IGSF11: variants seen among roughly 807,000 people sequenced by gnomAD.
IGSF11 encodes immunoglobulin superfamily member 11.
A neutral mutation model predicts 41.0 loss-of-function variants in IGSF11; 22 were observed. The observed-to-expected ratio is 0.54, with a 90% CI of 0.38 to 0.77. The LOEUF is 0.77. Among genes scored for constraint, IGSF11 ranks in the 30% least tolerant of loss-of-function variants. IGSF11 has a pLI of 0.00. For synonymous variants in IGSF11, 219 were observed against 201.3 expected (o/e 1.09, Z -0.74); for missense variants, 444 against 530.8 (o/e 0.84, Z 1.61).
intron 1 of IGSF11, among the ~76,000 whole-genome samples, chr3:119,086,912 C>A (rs1293317256): frequency 2.0e-5 from 3 of 152,124 alleles, no homozygotes; most frequent in Non-Finnish European, 4.4e-5. Context: ...CAATACTAAC[C>A]TTGAACATAA....
chr3:118,955,131 G>A (rs1944854016), intron 1 of IGSF11, among the ~76,000 whole-genome samples: 1 of 151,948 alleles, frequency 6.6e-6, no homozygotes, highest in Non-Finnish European at 1.5e-5. Flanking sequence ...AGCACAATTT[G>A]CAATTGCAAA....
chr3:119,099,660 A>G (rs774105693), intron 1 of IGSF11, among the ~76,000 whole-genome samples: 2 of 152,240 alleles, frequency 1.3e-5, no homozygotes, highest in African/African-American at 4.8e-5. Context: ...TGGCAAGTGT[A>G]TTCAGAAATC....
intron 1 of IGSF11, among the ~76,000 whole-genome samples, chr3:118,942,917 C>T (rs1943814269): frequency 6.6e-6 from 1 of 152,156 alleles, no homozygotes; most frequent in Admixed American, 6.5e-5. Context: ...AGAAAAAATA[C>T]TACTGGGAGG....
intron 1 of IGSF11, chr3:118,947,382 A>C (rs1351850070): frequency 6.6e-6 from 1 of 152,234 alleles, no homozygotes; most frequent in Non-Finnish European, 1.5e-5. Context: ...GTAATTATAA[A>C]GTTTCATGAA....
chr3:118,914,215 A>G (rs919991091), intron 4 of IGSF11, among the ~76,000 whole-genome samples: 3 of 152,354 alleles, frequency 2.0e-5, no homozygotes, highest in African/African-American at 7.2e-5. Flanking sequence ...GAGGGGGCAT[A>G]AAGAAAAAAG....
At chr3:119,069,273 T>C in intron 1 of IGSF11, among the ~76,000 whole-genome samples, 1 of 152,110 alleles carries the variant, frequency 6.6e-6, no homozygotes. Context: ...AGAGACAACA[T>C]GCTTACATTT....
At chr3:119,054,902 GA>G (rs1941764278) in intron 1 of IGSF11, among the ~76,000 whole-genome samples, 1 of 97,414 alleles carries the variant, frequency 1.0e-5, no homozygotes, top group South Asian at 3.1e-4. Flanking sequence ...CCTGACACCT[GA>G]GTAGCCTAAC....
intron 3 of IGSF11, 146 bp from the exon 4 acceptor site, chr3:118,926,402 C>G (rs1034816324): frequency 6.5e-6 from 4 of 611,790 alleles, no homozygotes; most frequent in Non-Finnish European, 1.0e-5. Context: ...CGCCTGAACC[C>G]AGGGGAGGCA....
intron 1 of IGSF11, among the ~76,000 whole-genome samples, chr3:119,124,423 T>A (rs1559881132): frequency 6.6e-6 from 1 of 151,334 alleles, no homozygotes; most frequent in Non-Finnish European, 1.5e-5. Flanking sequence ...CCTGCCACCA[T>A]GCCTGGCTCA....
At chr3:118,985,135 T>A (rs894554600) in intron 1 of IGSF11, among the ~76,000 whole-genome samples, 1 of 152,212 alleles carries the variant, frequency 6.6e-6, no homozygotes, top group African/African-American at 2.4e-5. Context: ...CTGAGCCACA[T>A]TAAAATGCAG....
chr3:118,937,282 C>A (rs1943356941), intron 1 of IGSF11, among the ~76,000 whole-genome samples: 1 of 152,100 alleles, frequency 6.6e-6, no homozygotes, highest in Non-Finnish European at 1.5e-5. Context: ...TATAACCTAT[C>A]AAATTAAGTT....
At chr3:119,136,347 T>G (rs751590508) in intron 1 of IGSF11, among the ~76,000 whole-genome samples, 1 of 152,028 alleles carries the variant, frequency 6.6e-6, no homozygotes, top group Non-Finnish European at 1.5e-5. Context: ...TAAAGGGACT[T>G]AACTCCTCAA....
chr3:118,984,808 G>C (rs991438597), intron 1 of IGSF11, among the ~76,000 whole-genome samples: 2 of 152,188 alleles, frequency 1.3e-5, no homozygotes, highest in Non-Finnish European at 2.9e-5. Flanking sequence ...GGAAAGGTAA[G>C]GGAGCAAGGT....
intron 1 of IGSF11, among the ~76,000 whole-genome samples, chr3:118,941,036 C>T (rs1218805092): frequency 6.6e-6 from 1 of 151,688 alleles, no homozygotes; most frequent in Non-Finnish European, 1.5e-5. Context: ...AGGAGAAATT[C>T]TCTATGACTC....
At position 119,132,528 on chromosome 3, in the gene IGSF11, CTAAA is replaced by C. The variant is rs1463349485; in HGVS notation, c.-14+13281_-14+13284del. Among the ~76,000 whole-genome samples the C allele has an allele frequency of 4.6e-5, 7 of 152,124 alleles. No individual in the cohort carries two copies. The East Asian group carries it at 1.3e-3, about 29-fold the overall frequency. On this transcript the variant is annotated intron_variant, in intron 1 of 7. Transcript: ENST00000425327. Reference sequence around the variant, plus strand: ...AATTCAACAGTAAGAGCTAACTATCCTAAATAGATATGCACCCAATATGGGAGCA... The same window carrying C: ...AATTCAACAGTAAGAGCTAACTATCCTAGATATGCACCCAATATGGGAGCA...
intron 1 of IGSF11, among the ~76,000 whole-genome samples, chr3:118,932,564 C>G (rs1213138189): frequency 6.6e-6 from 1 of 152,030 alleles, no homozygotes; most frequent in East Asian, 1.9e-4. Flanking sequence ...TAGGGGAAGT[C>G]TCTAAATTTT....
chr3:119,105,291 T>C (rs186554044), upstream of IGSF11: 777 of 786,596 alleles, frequency 9.9e-4, 2 homozygotes, highest in African/African-American at 9.2e-3. Context: ...TTAAATAGTT[T>C]ATTTTAGGAA....
chr3:118,930,846 T>A (rs991355044), intron 1 of IGSF11, among the ~76,000 whole-genome samples: 10 of 152,186 alleles, frequency 6.6e-5, no homozygotes, highest in African/African-American at 2.2e-4. Context: ...CCAGTCAAAA[T>A]CCCAGTAGTC....
intron 1 of IGSF11, among the ~76,000 whole-genome samples, chr3:118,932,034 A>C (rs1942903777): frequency 1.3e-5 from 2 of 152,154 alleles, no homozygotes; most frequent in African/African-American, 4.8e-5. Flanking sequence ...CACCTGGCCA[A>C]AAGTCACTGA....
Sources: gnomAD v4.1 joint callset for allele counts (sites outside exome capture counted in the v4.1 genomes callset) on GRCh38, gnomAD v4.1.1 for gene constraint, MANE v1.5 for transcripts, NCBI Gene and HGNC (gene_info 2026-07-23, HGNC 2026-07-21) for gene names.